Variants in IL34 observed in about 807,000 individuals in gnomAD.
The protein encoded by IL34 is interleukin 34, also known as interleukin-34.
IL34 carries 17 observed loss-of-function variants against 25.3 expected under a neutral mutation model. The ratio of observed to expected loss-of-function variants is 0.67; its 90% CI spans 0.46 to 1.01. IL34 has a LOEUF of 1.01. Among genes scored for constraint, IL34 ranks in the 50% least tolerant of loss-of-function variants. IL34 has a pLI of 0.00. For missense variants in IL34, 368 were observed against 312.9 expected (o/e 1.18, Z -1.33); for synonymous variants, 174 against 140.9 (o/e 1.23, Z -1.66).
At chr16:70,659,481 T>C in intron 4 of IL34, 137 bp from the exon 5 acceptor site, 1 of 1,104,696 alleles carries the variant, frequency 9.1e-7, no homozygotes, top group African/African-American at 1.6e-5. Flanking sequence ...GAGAAATAGC[T>C]ATCCAGGCTC....
chr16:70,625,615 A>C (rs193176559), intron 1 of IL34, among the ~76,000 whole-genome samples: 1 of 152,224 alleles, frequency 6.6e-6, no homozygotes, highest in Admixed American at 6.5e-5. Context: ...CACCTTTGAA[A>C]CGTGGGTGAA....
rs372224390 is a variant in IL34 at position 70,581,100 on chromosome 16, C to T, written c.-401+1051C>T. Among the ~76,000 whole-genome samples the T allele has an allele frequency of 2.2e-4, 33 of 152,086 alleles. 1 individual carries two copies. The South Asian group carries it at 6.3e-3, about 29-fold the overall frequency. On this transcript the variant is annotated intron_variant, in intron 1 of 6. Coordinates refer to the IL34 transcript ENST00000429149. ...CTAATTTTTGTATTTTTAGTAGAGA[C>T]GGGCTTTCACCATGTTGGCCAGGCT...
intron 1 of IL34, among the ~76,000 whole-genome samples, chr16:70,630,881 C>T (rs1267257427): frequency 6.6e-6 from 1 of 152,116 alleles, no homozygotes; most frequent in African/African-American, 2.4e-5. Context: ...GTCACATTTT[C>T]TTTATTCATC....
intron 1 of IL34, among the ~76,000 whole-genome samples, chr16:70,637,081 C>T (rs1446727080): frequency 5.3e-5 from 8 of 151,744 alleles, no homozygotes; most frequent in Admixed American, 1.3e-4. Flanking sequence ...AGGATGGTCT[C>T]GATCTCCTGA....
chr16:70,649,788 T>A (rs2052033338), intron 1 of IL34, among the ~76,000 whole-genome samples: 1 of 131,196 alleles, frequency 7.6e-6, no homozygotes, highest in Admixed American at 7.6e-5. Context: ...GCAGGTTGTT[T>A]TATTATTTTA....
chr16:70,617,055 G>A (rs991246697), intron 1 of IL34, among the ~76,000 whole-genome samples: 3 of 152,128 alleles, frequency 2.0e-5, no homozygotes, highest in Non-Finnish European at 4.4e-5. Context: ...GGTGGCGTGG[G>A]AACCTAGAGT....
chr16:70,649,793 A>AT (rs2052033704), intron 1 of IL34, among the ~76,000 whole-genome samples: 1 of 149,836 alleles, frequency 6.7e-6, no homozygotes, highest in Admixed American at 6.7e-5. Flanking sequence ...TTGTTTTATT[A>AT]TTTTATTTTT....
chr16:70,620,689 T>C (rs1273708757), intron 1 of IL34, among the ~76,000 whole-genome samples: 3 of 151,868 alleles, frequency 2.0e-5, no homozygotes, highest in African/African-American at 7.3e-5. Flanking sequence ...GTCAGGCACC[T>C]CAGACCTTCT....
intron 1 of IL34, among the ~76,000 whole-genome samples, chr16:70,619,297 T>C (rs956043696): frequency 6.6e-6 from 1 of 151,542 alleles, no homozygotes; most frequent in Admixed American, 6.6e-5. Flanking sequence ...GGAGTAGAGG[T>C]ATCTTGTGGG....
chr16:70,633,550 C>A (rs1281291336), intron 1 of IL34, among the ~76,000 whole-genome samples: 1 of 152,134 alleles, frequency 6.6e-6, no homozygotes, highest in African/African-American at 2.4e-5. Context: ...CAGGTGTGAA[C>A]CATTGTGCCT....
chr16:70,619,544 T>C lies in IL34; in HGVS notation c.-400-27004T>C, dbSNP rs541225650. On this transcript the variant is annotated intron_variant, in intron 1 of 6. Coordinates refer to the IL34 transcript ENST00000429149. ...TTTAAGAGGTTTAGAAGCCTGGCCG[T>C]CAATACCCACAACAGTTATGGAGGC... Among the ~76,000 whole-genome samples, 29 of 151,770 alleles carry C rather than the reference T, an allele frequency of 1.9e-4. 2 individuals carry two copies. The highest frequency in any genetic ancestry group is 7.0e-4 in the African/African-American group (29 of 41,318).
intron 1 of IL34, among the ~76,000 whole-genome samples, chr16:70,591,520 G>T (rs986422249): frequency 6.7e-6 from 1 of 149,782 alleles, no homozygotes; most frequent in Non-Finnish European, 1.5e-5. Flanking sequence ...AGTTAGCCAT[G>T]ATCACACCAT....
chr16:70,627,989 C>T (rs370739719), intron 1 of IL34, among the ~76,000 whole-genome samples: 2 of 152,164 alleles, frequency 1.3e-5, no homozygotes, highest in African/African-American at 4.8e-5. Flanking sequence ...GATATGCACA[C>T]GTTCAATTTC....
At chr16:70,604,012 G>T (rs887375188) in intron 1 of IL34, among the ~76,000 whole-genome samples, 1 of 152,234 alleles carries the variant, frequency 6.6e-6, no homozygotes, top group Non-Finnish European at 1.5e-5. Flanking sequence ...TTTAATTAGT[G>T]CAGTGAAGCT....
At chr16:70,637,000 C>T (rs1281022736) in intron 1 of IL34, among the ~76,000 whole-genome samples, 1 of 151,948 alleles carries the variant, frequency 6.6e-6, no homozygotes, top group African/African-American at 2.4e-5. Context: ...CTGCCTCAGC[C>T]TCCCCAGTAG....
At chr16:70,612,758 C>T (rs2051109802) in intron 1 of IL34, among the ~76,000 whole-genome samples, 1 of 152,142 alleles carries the variant, frequency 6.6e-6, no homozygotes, top group African/African-American at 2.4e-5. Flanking sequence ...TTCCCCACCC[C>T]CATTTCTGCT....
At chr16:70,647,172 AGCTGGGTGGGCAGTTCTG>A (rs1388032430) in intron 1 of IL34, among the ~76,000 whole-genome samples, 197 bp downstream of exon 1, 1 of 152,236 alleles carries the variant, frequency 6.6e-6, no homozygotes, top group East Asian at 1.9e-4. Context: ...CCGACGGGCA[AGCTGGGTGGGCAGTTCTG>A]GCTGGGTGGG....
chr16:70,611,868 A>G (rs1382864673), intron 1 of IL34, among the ~76,000 whole-genome samples: 1 of 152,034 alleles, frequency 6.6e-6, no homozygotes, highest in South Asian at 2.1e-4. Flanking sequence ...ATAAATAAAT[A>G]GCTGGATGTG....
chr16:70,627,469 C>T (rs1256708746), intron 1 of IL34, among the ~76,000 whole-genome samples: 1 of 143,026 alleles, frequency 7.0e-6, no homozygotes, highest in Non-Finnish European at 1.5e-5. Flanking sequence ...CTCCCCCTTC[C>T]CTCCCCTCTT....
Sources: allele counts gnomAD v4.1 joint callset (sites outside exome capture counted in the v4.1 genomes callset), GRCh38; gene constraint gnomAD v4.1.1; transcripts MANE v1.5; gene names NCBI Gene and HGNC (gene_info 2026-07-23, HGNC 2026-07-21).